Variants in CACNG3 observed in about 807,000 individuals in gnomAD.
CACNG3 encodes the protein calcium voltage-gated channel auxiliary subunit gamma 3.
CACNG3 carries 3 observed loss-of-function variants against 28.5 expected under a neutral mutation model. The observed-to-expected ratio is 0.11, with a 90% CI of 0.05 to 0.27. The LOEUF is 0.27. Among genes scored for constraint, CACNG3 ranks in the 10% least tolerant of loss-of-function variants. The pLI is 1.00. For missense variants in CACNG3, 236 were observed against 414.4 expected (o/e 0.57, Z 3.74); for synonymous variants, 174 against 162.2 (o/e 1.07, Z -0.55).
At chr16:24,308,861 A>G (rs992811837) in intron 1 of CACNG3, among the ~76,000 whole-genome samples, 1 of 149,498 alleles carries the variant, frequency 6.7e-6, no homozygotes, top group Non-Finnish European at 1.5e-5. Flanking sequence ...AAAAAAAAAA[A>G]AAAAAAGAAA....
Position 24,256,616 on chromosome 16 carries a change from G to A in CACNG3, c.-139G>A. 3.0e-6 allele frequency: 2 copies of A among 668,052 alleles called. No homozygotes were observed. Among genetic ancestry groups the A allele is most frequent in the Non-Finnish European group, 5.4e-6 (2 of 368,390 alleles). 41.4% of individuals were successfully genotyped at this position (668,052 alleles called of 1,614,324 possible). ...GAAAGGAAATCCCAGCTTTCCCAAA[G>A]TCCCTGTGGATGCTGACAAAAGGAG... On this transcript the variant is annotated 5_prime_UTR_variant, in exon 1 of 4. Coordinates refer to ENST00000005284, the MANE Select transcript of CACNG3 (RefSeq NM_006539.4). This position sits in a 1 kb window ranked among gnomAD's most constrained non-coding sequence, Gnocchi z 4.6.
rs898627963 is a variant in CACNG3, at chr16:24,344,184, T to A, written c.212-2550T>A. Reference sequence around the variant, plus strand: ...CAGTGGCTCACATCTGTAATCCCAGTGCTTTGGGAGGCTGAGGCGGGTGGT... The same window carrying A: ...CAGTGGCTCACATCTGTAATCCCAGAGCTTTGGGAGGCTGAGGCGGGTGGT... On this transcript the variant is annotated intron_variant, in intron 1 of 3. Coordinates refer to ENST00000005284, the MANE Select transcript of CACNG3 (RefSeq NM_006539.4). Among the ~76,000 whole-genome samples the A allele has an allele frequency of 2.6e-5, 4 of 152,160 alleles. No individual in the cohort carries two copies. The East Asian group carries it at 5.8e-4, about 22-fold the overall frequency.
intron 1 of CACNG3, among the ~76,000 whole-genome samples, chr16:24,264,096 G>A (rs1390548333): frequency 6.6e-6 from 1 of 152,248 alleles, no homozygotes; most frequent in African/African-American, 2.4e-5. Flanking sequence ...GATTGGATCT[G>A]GGAGTGGGCA....
intron 1 of CACNG3, among the ~76,000 whole-genome samples, chr16:24,266,535 A>C (rs1319348793): frequency 2.0e-5 from 3 of 152,216 alleles, no homozygotes. Context: ...AAACACAAGG[A>C]AGAAAAAGAG....
chr16:24,260,269 T>C (rs1898520496), intron 1 of CACNG3, among the ~76,000 whole-genome samples: 1 of 152,200 alleles, frequency 6.6e-6, no homozygotes, highest in South Asian at 2.1e-4. Context: ...AATTACTCTT[T>C]AATAGTCAAT....
intron 1 of CACNG3, among the ~76,000 whole-genome samples, chr16:24,285,989 G>T (rs1190587105): frequency 4.6e-5 from 7 of 151,844 alleles, no homozygotes; most frequent in Non-Finnish European, 1.0e-4. Context: ...GACCACAGGC[G>T]CATGCCACCA....
chr16:24,267,823 C>T (rs1898635441), intron 1 of CACNG3, among the ~76,000 whole-genome samples: 1 of 152,026 alleles, frequency 6.6e-6, no homozygotes, highest in Admixed American at 6.6e-5. Flanking sequence ...ATGTGGGCCA[C>T]CATGTCAAGC....
At chr16:24,322,695 CCA>C (rs779199504) in intron 1 of CACNG3, among the ~76,000 whole-genome samples, 5 of 152,150 alleles carry the variant, frequency 3.3e-5, no homozygotes, top group Non-Finnish European at 7.4e-5. Flanking sequence ...CCTCCCCAAC[CCA>C]CAGAGGTTCC....
intron 1 of CACNG3, among the ~76,000 whole-genome samples, chr16:24,286,913 T>C (rs1012092093): frequency 6.6e-6 from 1 of 152,178 alleles, no homozygotes; most frequent in African/African-American, 2.4e-5. Context: ...GAGCCACACC[T>C]TGCCTCCTGC....
intron 1 of CACNG3, chr16:24,333,520 A>G (rs2141374589): frequency 6.6e-6 from 1 of 152,530 alleles, no homozygotes; most frequent in African/African-American, 2.4e-5. Flanking sequence ...CATGATCGAC[A>G]GTGCCCATTC....
intron 1 of CACNG3, among the ~76,000 whole-genome samples, chr16:24,322,930 A>G (rs1393327353): frequency 6.6e-6 from 1 of 152,110 alleles, no homozygotes; most frequent in East Asian, 1.9e-4. Context: ...TTCGCCTTAC[A>G]AAAATGAGAT....
At chr16:24,285,826 T>C (rs886685728) in intron 1 of CACNG3, among the ~76,000 whole-genome samples, 2 of 150,278 alleles carry the variant, frequency 1.3e-5, no homozygotes, top group African/African-American at 4.9e-5. Context: ...CTATAGGTAC[T>C]GATTTTTTTC....
intron 1 of CACNG3, among the ~76,000 whole-genome samples, chr16:24,323,332 T>C (rs1204965642): frequency 6.6e-6 from 1 of 152,090 alleles, no homozygotes; most frequent in African/African-American, 2.4e-5. Flanking sequence ...TTATGATTGC[T>C]GCCTATACTA....
At chr16:24,317,636 A>C (rs77747607) in intron 1 of CACNG3, among the ~76,000 whole-genome samples, 6,463 of 51,316 alleles carry the variant, frequency 0.13, 541 homozygotes, top group African/African-American at 0.21. Flanking sequence ...GACAGACAGA[A>C]AGAAAGAAAA....
At chr16:24,270,367 A>G (rs1024322655) in intron 1 of CACNG3, among the ~76,000 whole-genome samples, 3 of 152,228 alleles carry the variant, frequency 2.0e-5, no homozygotes, top group African/African-American at 7.2e-5. Flanking sequence ...TAAAATATGT[A>G]TTACCAAGTA....
At chr16:24,266,319 G>C (rs1292289037) in intron 1 of CACNG3, among the ~76,000 whole-genome samples, 1 of 152,214 alleles carries the variant, frequency 6.6e-6, no homozygotes, top group African/African-American at 2.4e-5. Context: ...CGAATACTGT[G>C]TCATTTAGCT....
intron 1 of CACNG3, among the ~76,000 whole-genome samples, chr16:24,259,228 C>T (rs1220868550): frequency 3.3e-5 from 5 of 152,172 alleles, no homozygotes; most frequent in Non-Finnish European, 5.9e-5. Context: ...CACAATGAAT[C>T]ACAATAAAAT....
At chr16:24,278,871 T>G (rs1177903781) in intron 1 of CACNG3, among the ~76,000 whole-genome samples, 1 of 152,186 alleles carries the variant, frequency 6.6e-6, no homozygotes, top group East Asian at 1.9e-4. Context: ...TCTACCAAGC[T>G]GACTCCTTGA....
At chr16:24,336,393 T>A (rs1347783441) in intron 1 of CACNG3, among the ~76,000 whole-genome samples, 1 of 150,230 alleles carries the variant, frequency 6.7e-6, no homozygotes, top group Admixed American at 6.6e-5. Context: ...GGCCTCAGCC[T>A]CCCGAGTAGC....
Sources: gnomAD v4.1 joint callset for allele counts (sites outside exome capture counted in the v4.1 genomes callset) on GRCh38, gnomAD v4.1.1 for gene constraint, Gnocchi (gnomAD v3.1) non-coding constraint, MANE v1.5 for transcripts, NCBI Gene and HGNC (gene_info 2026-07-23, HGNC 2026-07-21) for gene names.